SGK2: variants seen among roughly 807,000 people sequenced by gnomAD.
SGK2 encodes the protein serine/threonine-protein kinase Sgk2.
SGK2 carries 36 observed loss-of-function variants against 47.5 expected under a neutral mutation model. The ratio of observed to expected loss-of-function variants is 0.76; its 90% CI spans 0.58 to 1.00. SGK2 has a LOEUF of 1.00. SGK2 is among the 50% of genes least tolerant of loss of function. The probability of loss-of-function intolerance (pLI) is 0.00; values close to 1 mark genes in which losing one functional copy is unlikely to be tolerated. For missense variants in SGK2, 404 were observed against 467.4 expected (o/e 0.86, Z 1.25); for synonymous variants, 157 against 181.9 (o/e 0.86, Z 1.10).
intron 10 of SGK2, 36 bp from the exon 11 acceptor site, chr20:43,576,188 T>C: frequency 6.2e-7 from 1 of 1,609,484 alleles, no homozygotes. Context: ...TCACTTTGCA[T>C]GGGTGATCCT....
intron 9 of SGK2, among the ~76,000 whole-genome samples, chr20:43,573,453 C>T (rs970423844): frequency 8.3e-5 from 12 of 144,846 alleles, no homozygotes; most frequent in Non-Finnish European, 1.6e-4. Flanking sequence ...CGGGTCATTG[C>T]ACTCCAGCCT....
intron 12 of SGK2, chr20:43,583,535 C>G: frequency 1.0e-6 from 1 of 985,442 alleles, no homozygotes; most frequent in Non-Finnish European, 1.2e-6. Flanking sequence ...CATAGCCCGA[C>G]TTGCACACTA....
At chr20:43,583,907 A>G (rs1256157525) in intron 12 of SGK2, among the ~76,000 whole-genome samples, 1 of 152,188 alleles carries the variant, frequency 6.6e-6, no homozygotes, top group African/African-American at 2.4e-5. Context: ...AGCTATAGTG[A>G]GCTGTGATCA....
At chr20:43,560,455 C>T (rs560138740) in intron 1 of SGK2, among the ~76,000 whole-genome samples, 12 of 150,590 alleles carry the variant, frequency 8.0e-5, no homozygotes, top group Non-Finnish European at 1.0e-4. Context: ...GCAGAGATTG[C>T]GCCACTGCAC....
At chr20:43,569,178 G>T (rs945753960) in intron 5 of SGK2, among the ~76,000 whole-genome samples, 4 of 152,170 alleles carry the variant, frequency 2.6e-5, no homozygotes, top group Non-Finnish European at 4.4e-5. Context: ...AGCTTAGGAT[G>T]AGGCTGACCA....
intron 1 of SGK2, 128 bp from the exon 2 acceptor site, chr20:43,566,345 A>T: frequency 1.9e-6 from 3 of 1,612,746 alleles, no homozygotes; most frequent in South Asian, 2.2e-5. Context: ...CGGGTAGGAA[A>T]CCCTCAGGCG....
chr20:43,583,193 G>C (rs765359251), intron 12 of SGK2: 131 of 1,289,444 alleles, frequency 1.0e-4, no homozygotes, highest in Non-Finnish European at 1.3e-4. Flanking sequence ...GATACACTCG[G>C]GCCAGGCACC....
chr20:43,579,960 C>T lies in SGK2; in HGVS notation c.850-12C>T, dbSNP rs746647777. 2.5e-6 allele frequency: 4 copies of T among 1,605,118 alleles called. No homozygotes were observed. The highest frequency in any genetic ancestry group is 1.1e-5 in the South Asian group (1 of 90,908). On this transcript the variant is annotated splice_polypyrimidine_tract_variant and intron_variant, in intron 11 of 12. Transcript: ENST00000373100. ...ACTTCTAACCAGAACCTTTTTTCTG[C>T]ACTTCCTGCAGCTTGAGATTAAGAA...
chr20:43,567,491 A>C (rs756029308), intron 3 of SGK2, among the ~76,000 whole-genome samples, 174 bp from the exon 4 acceptor site: 41 of 152,074 alleles, frequency 2.7e-4, no homozygotes, highest in Non-Finnish European at 5.0e-4. Flanking sequence ...TGAATCTTAC[A>C]AGCCCTCTTT....
At position 43,584,893 on chromosome 20, in the gene SGK2, C is replaced by T. The variant is rs1240234243; in HGVS notation, c.981C>T (p.Thr327=). The part of the protein sequence containing the change: ...ADLKHFDPEF[T]QEAVSKSIGC... ...TGAAGCATTTTGACCCAGAGTTCAC[C>T]CAGGAAGCTGTGTCCAAGTCCATTG... Residue 327 remains threonine (T), a synonymous_variant, in exon 13 of 13, where the codon ACC becomes ACT. Transcript: ENST00000373100. 1 of 1,614,098 alleles carries T rather than the reference C, an allele frequency of 6.2e-7. No individual in the cohort carries two copies. The highest frequency in any genetic ancestry group is 8.5e-7 in the Non-Finnish European group (1 of 1,179,982).
At chr20:43,573,816 C>T (rs1442599680) in intron 9 of SGK2, among the ~76,000 whole-genome samples, 1 of 152,150 alleles carries the variant, frequency 6.6e-6, no homozygotes, top group East Asian at 1.9e-4. Context: ...AAAGCCAGCG[C>T]CCCAAAGCCT....
At chr20:43,566,430 C>A (rs1388897484) in intron 1 of SGK2, 43 bp from the exon 2 acceptor site, 1 of 1,614,018 alleles carries the variant, frequency 6.2e-7, no homozygotes, top group Non-Finnish European at 8.5e-7. Flanking sequence ...AGCTGACCCC[C>A]CAACACCAAC....
At position 43,579,154 on chromosome 20, in the gene SGK2, A is replaced by C. The variant is rs566642524; in HGVS notation, c.850-818A>C. Among the ~76,000 whole-genome samples the C allele has an allele frequency of 2.1e-3, 315 of 151,944 alleles. 1 individual carries two copies. Among genetic ancestry groups the C allele is most frequent in the African/African-American group, 7.2e-3 (298 of 41,412 alleles). On this transcript the variant is annotated intron_variant, in intron 11 of 12. Transcript: ENST00000373100. ...TGCCTCAGCCTCCCAAGTAGCTAGGATTACAGGCACACACCACCACGCCTG... is the reference window on the plus strand; with the variant it reads ...TGCCTCAGCCTCCCAAGTAGCTAGGCTTACAGGCACACACCACCACGCCTG...
Position 43,585,269 on chromosome 20 carries a change from A to G in SGK2, c.*253A>G, listed in dbSNP as rs941606067. 2 of 276,182 alleles carry G rather than the reference A, an allele frequency of 7.2e-6. No individual in the cohort carries two copies. Among genetic ancestry groups the G allele is most frequent in the Non-Finnish European group, 7.0e-6 (1 of 143,274 alleles). 17.1% of individuals were successfully genotyped at this position (276,182 alleles called of 1,614,324 possible). On this transcript the variant is annotated 3_prime_UTR_variant, in exon 13 of 13. Coordinates refer to ENST00000373100, the MANE Select transcript of SGK2 (RefSeq NM_170693.3). ...ATGTTAGGTTTGCTACAAGATGGTT[A>G]CTGGAGCTCTAGCTGCCTATTTTGT...
chr20:43,573,661 T>C (rs1980294301), intron 9 of SGK2, among the ~76,000 whole-genome samples: 1 of 152,146 alleles, frequency 6.6e-6, no homozygotes. Context: ...CCTCAGCTGC[T>C]CTCTTTTTCT....
At chr20:43,565,212 A>G (rs886500041) in intron 1 of SGK2, 11 of 152,296 alleles carry the variant, frequency 7.2e-5, no homozygotes, top group African/African-American at 2.7e-4. Flanking sequence ...GAGAACAGAG[A>G]GAGGCTCTCT....
rs1387061397 is a variant in SGK2, at chr20:43,572,351, C to T, written c.597+214C>T. Among the ~76,000 whole-genome samples the T allele has an allele frequency of 1.3e-5, 2 of 152,188 alleles. No homozygotes were observed. Among genetic ancestry groups the T allele is most frequent in the Non-Finnish European group, 2.9e-5 (2 of 68,036 alleles). The stretch of plus-strand genomic sequence containing the variant: ...CCCAGCCAGCTAGCTGCTGGTGAAG[C>T]TCTACTGCAGTGCTATCCAGTAGAA... On this transcript the variant is annotated intron_variant, in intron 9 of 12. Transcript: ENST00000373100. This position sits in a 1 kb window ranked among gnomAD's most constrained non-coding sequence, Gnocchi z 4.2.
At chr20:43,571,315 G>C (rs1300768990) in intron 8 of SGK2, among the ~76,000 whole-genome samples, 2 of 152,222 alleles carry the variant, frequency 1.3e-5, no homozygotes, top group African/African-American at 4.8e-5. Context: ...GTGGAGGCTG[G>C]TGGAGTTTGT....
intron 1 of SGK2, among the ~76,000 whole-genome samples, chr20:43,564,211 G>A (rs561280262): frequency 7.2e-5 from 11 of 152,378 alleles, no homozygotes; most frequent in African/African-American, 1.7e-4. Context: ...CAGGAGAGTC[G>A]TGGGCCAACC....
Sources: gnomAD v4.1 joint callset for allele counts (sites outside exome capture counted in the v4.1 genomes callset) on GRCh38, gnomAD v4.1.1 for gene constraint, Gnocchi (gnomAD v3.1) non-coding constraint, MANE v1.5 for transcripts, NCBI Gene and HGNC (gene_info 2026-07-23, HGNC 2026-07-21) for gene names.